GRIN2A: variants seen among roughly 807,000 people sequenced by gnomAD.
GRIN2A encodes glutamate receptor ionotropic, NMDA 2A.
A neutral mutation model predicts 113.4 loss-of-function variants in GRIN2A; 22 were observed. The ratio of observed to expected loss-of-function variants is 0.19; its 90% CI spans 0.14 to 0.28. GRIN2A has a LOEUF of 0.28. Ranked by LOEUF, GRIN2A falls within the 10% of genes least tolerant of loss-of-function variation. GRIN2A has a pLI of 1.00. For missense variants in GRIN2A, 1,502 were observed against 1,887.0 expected (o/e 0.80, Z 3.78); for synonymous variants, 827 against 738.4 (o/e 1.12, Z -1.94).
intron 2 of GRIN2A, among the ~76,000 whole-genome samples, chr16:10,117,388 G>A (rs12926530): frequency 0.024 from 3,712 of 152,308 alleles, 62 homozygotes; most frequent in Middle Eastern, 0.065. Context: ...TGTGGGTGGC[G>A]ATAAAATGAA....
chr16:10,162,946 G>C (rs2049833545), intron 2 of GRIN2A, among the ~76,000 whole-genome samples: 1 of 152,198 alleles, frequency 6.6e-6, no homozygotes. Flanking sequence ...CTAAGCACAT[G>C]ATCCCACGAA....
chr16:10,095,641 C>T (rs180870092), intron 2 of GRIN2A, among the ~76,000 whole-genome samples: 18 of 152,220 alleles, frequency 1.2e-4, no homozygotes, highest in Non-Finnish European at 1.8e-4. Flanking sequence ...AAGTGTATCC[C>T]GTCTTCCTAG....
rs1391639631 is a variant in GRIN2A, at chr16:10,067,479, C to T, written c.414+112519G>A. On this transcript the variant is annotated intron_variant, in intron 2 of 12. Coordinates refer to ENST00000330684, the MANE Select transcript of GRIN2A (RefSeq NM_001134407.3). ...CCTGTTAGCATCCATGCCAATGACA[C>T]GAACATCAGGACATGGGGCTGATAT... is the stretch of plus-strand genomic sequence containing the variant. Among the ~76,000 whole-genome samples, 7 of 152,188 alleles carry T rather than the reference C, an allele frequency of 4.6e-5. No individual in the cohort carries two copies. The East Asian group carries it at 9.6e-4, about 21-fold the overall frequency.
At chr16:9,867,344 A>T (rs907817284) in intron 4 of GRIN2A, among the ~76,000 whole-genome samples, 1 of 152,140 alleles carries the variant, frequency 6.6e-6, no homozygotes, top group African/African-American at 2.4e-5. Context: ...ACACCTGCCC[A>T]CAAGACTGCA....
At chr16:10,135,634 A>G (rs758571280) in intron 2 of GRIN2A, among the ~76,000 whole-genome samples, 15 of 152,228 alleles carry the variant, frequency 9.9e-5, no homozygotes, top group Non-Finnish European at 2.9e-5. Flanking sequence ...TAAGAAATAC[A>G]TGACAAGGAA....
chr16:10,164,253 ACT>A (rs1442277122), intron 2 of GRIN2A, among the ~76,000 whole-genome samples: 1 of 152,180 alleles, frequency 6.6e-6, no homozygotes, highest in Non-Finnish European at 1.5e-5. Flanking sequence ...GTGGCCACTG[ACT>A]CTGTACAGAA....
chr16:10,151,115 G>A (rs979425607), intron 2 of GRIN2A, among the ~76,000 whole-genome samples: 3 of 152,132 alleles, frequency 2.0e-5, no homozygotes, highest in Admixed American at 1.3e-4. Flanking sequence ...CAATGCCCTC[G>A]GGGAATGCTC....
At position 9,798,425 on chromosome 16, in the gene GRIN2A, A is replaced by G. The variant is rs1247294722; in HGVS notation, c.2208T>C (p.Asn736=). Residue 736 remains asparagine (N), a synonymous_variant, in exon 11 of 13, where the codon AAT becomes AAC. Transcript: ENST00000330684. ...DAFIYDAAVL[N]YKAGRDEGCK... ...AGCCTTCATCCCTCCCAGCCTTGTA[A>G]TTCAAGACTGCGGCATCGTAGATGA... 6.2e-6 allele frequency: 10 copies of G among 1,614,036 alleles called. No individual in the cohort carries two copies. The highest frequency in any genetic ancestry group is 1.3e-5 in the African/African-American group (1 of 75,014).
In GRIN2A at chr16:9,940,017, TGA is replaced by T. The variant is rs71402418; in HGVS notation, c.415-1468_415-1467del. Reference sequence around the variant, plus strand: ...ACAAGATAACTTATGGGGATTCCACTGAGAGAGAGAGAGAGAGAGAGAGAAAG... The same window carrying T: ...ACAAGATAACTTATGGGGATTCCACTGAGAGAGAGAGAGAGAGAGAGAAAG... On this transcript the variant is annotated intron_variant, in intron 2 of 12. Coordinates refer to ENST00000330684, the MANE Select transcript of GRIN2A (RefSeq NM_001134407.3). Among the ~76,000 whole-genome samples, 390 of 134,036 alleles carry T rather than the reference TGA, an allele frequency of 2.9e-3. 1 individual carries two copies. Among genetic ancestry groups the T allele is most frequent in the East Asian group, 0.017 (80 of 4,820 alleles). The allele number at this position is 134,036 out of a possible 152,430, so 87.9% of individuals were successfully genotyped here. A position where few individuals can be genotyped will look rare whatever the true frequency, so the allele number is the denominator to read the frequency against.
chr16:9,816,216 T>TA (rs1396905777), intron 10 of GRIN2A, among the ~76,000 whole-genome samples: 1 of 152,196 alleles, frequency 6.6e-6, no homozygotes, highest in Non-Finnish European at 1.5e-5. Context: ...TGAATGCATT[T>TA]AATACCACTG....
In GRIN2A at chr16:9,762,876, T is replaced by C; in HGVS notation, c.*273A>G. 1 of 535,276 alleles carries C rather than the reference T, an allele frequency of 1.9e-6. No individual in the cohort carries two copies. Among genetic ancestry groups the C allele is most frequent in the East Asian group, 3.1e-5 (1 of 32,106 alleles). 33.2% of individuals were successfully genotyped at this position (535,276 alleles called of 1,614,324 possible). A position where few individuals can be genotyped will look rare whatever the true frequency, so the allele number is the denominator to read the frequency against. On this transcript the variant is annotated 3_prime_UTR_variant, in exon 13 of 13. Transcript: ENST00000330684. ...TTATTGCCAACATACCCAGTAGGCA[T>C]GTCCCGGAGACTTGCCCTTATGTAG...
intron 7 of GRIN2A, among the ~76,000 whole-genome samples, chr16:9,840,420 C>T (rs187312838): frequency 6.6e-6 from 1 of 152,262 alleles, no homozygotes. Flanking sequence ...CGTCACCTCC[C>T]ATCAGGTCTC....
chr16:9,779,056 A>G (rs556653553), intron 11 of GRIN2A, among the ~76,000 whole-genome samples: 1 of 152,352 alleles, frequency 6.6e-6, no homozygotes, highest in East Asian at 1.9e-4. Context: ...CAGCCCGAGA[A>G]AGAGAGAATG....
At chr16:9,815,442 CAACCCAAAT>C (rs1440952546) in intron 10 of GRIN2A, among the ~76,000 whole-genome samples, 3 of 137,544 alleles carry the variant, frequency 2.2e-5, no homozygotes, top group African/African-American at 8.0e-5. Context: ...AAAACCCAAA[CAACCCAAAT>C]GTAAAATGGC....
chr16:9,968,477 C>T (rs1311593237), intron 2 of GRIN2A, among the ~76,000 whole-genome samples: 1 of 152,032 alleles, frequency 6.6e-6, no homozygotes, highest in African/African-American at 2.4e-5. Context: ...CCACACCTGG[C>T]TAATTTTGTA....
intron 2 of GRIN2A, among the ~76,000 whole-genome samples, chr16:10,015,272 G>GAAAAAAAAAA (rs1189929832): frequency 5.3e-5 from 4 of 76,068 alleles, no homozygotes; most frequent in South Asian, 5.0e-4. Context: ...AAAAAAAAAA[G>GAAAAAAAAAA]AAAAAAAAAA....
At chr16:9,928,759 C>A (rs2141602101) in intron 3 of GRIN2A, among the ~76,000 whole-genome samples, 1 of 152,284 alleles carries the variant, frequency 6.6e-6, no homozygotes, top group East Asian at 1.9e-4. Flanking sequence ...CACCCATCAC[C>A]TCCCTCATCC....
chr16:9,970,267 C>CA (rs1044158172), intron 2 of GRIN2A, among the ~76,000 whole-genome samples: 1 of 152,088 alleles, frequency 6.6e-6, no homozygotes, highest in Non-Finnish European at 1.5e-5. Context: ...GTTCATAGTC[C>CA]AAAGCAACAA....
At chr16:9,870,018 T>A (rs369924648) in intron 4 of GRIN2A, among the ~76,000 whole-genome samples, 2 of 152,180 alleles carry the variant, frequency 1.3e-5, no homozygotes, top group Admixed American at 1.3e-4. Context: ...ACTAAGGAAA[T>A]GTATTTGGAT....
Sources: gnomAD v4.1 joint callset for allele counts (sites outside exome capture counted in the v4.1 genomes callset) on GRCh38, gnomAD v4.1.1 for gene constraint, MANE v1.5 for transcripts, NCBI Gene and HGNC (gene_info 2026-07-23, HGNC 2026-07-21) for gene names.